Variants in ITGB6 observed in about 807,000 individuals in gnomAD.
ITGB6 encodes integrin subunit beta 6.
In ITGB6, 80 loss-of-function variants were observed where a neutral mutation model predicts 84.5. The observed-to-expected ratio is 0.95, with a 90% CI of 0.79 to 1.14. The LOEUF is 1.14. Among genes scored for constraint, ITGB6 ranks in the 50% most tolerant of loss-of-function variants. The pLI, the probability that ITGB6 is intolerant of heterozygous loss-of-function variation, is 0.00. For synonymous variants in ITGB6, 383 were observed against 354.9 expected, an observed-to-expected ratio of 1.08 and a Z score of -0.89; for missense variants, 1,006 against 968.0, an observed-to-expected ratio of 1.04 and a Z score of -0.52.
chr2:160,192,397 C>T (rs1048759092), intron 4 of ITGB6, among the ~76,000 whole-genome samples: 1 of 152,050 alleles, frequency 6.6e-6, no homozygotes, highest in East Asian at 1.9e-4. Context: ...ACAAATAGTG[C>T]TTGAACAACT....
chr2:160,112,487 C>T (rs1328023510), intron 12 of ITGB6, among the ~76,000 whole-genome samples: 1 of 152,024 alleles, frequency 6.6e-6, no homozygotes, highest in Admixed American at 6.6e-5. Flanking sequence ...AGGCAGGTAC[C>T]CACAGCTGCC....
chr2:160,139,600 G>C (rs1559141184), intron 8 of ITGB6, among the ~76,000 whole-genome samples: 1 of 152,168 alleles, frequency 6.6e-6, no homozygotes. Context: ...TGGATGACAT[G>C]ATCTGACCTA....
At chr2:160,188,381 G>A (rs1250045538) in intron 4 of ITGB6, among the ~76,000 whole-genome samples, 2 of 152,058 alleles carry the variant, frequency 1.3e-5, no homozygotes, top group Non-Finnish European at 2.9e-5. Flanking sequence ...CACCTTAATG[G>A]TAAATTTTGC....
At chr2:160,169,856 G>T (rs1685138966) in intron 6 of ITGB6, among the ~76,000 whole-genome samples, 1 of 152,144 alleles carries the variant, frequency 6.6e-6, no homozygotes. Flanking sequence ...TCACAAGTTG[G>T]TTGCATGGAA....
At chr2:160,164,852 T>C (rs1386790904) in intron 7 of ITGB6, among the ~76,000 whole-genome samples, 3 of 152,308 alleles carry the variant, frequency 2.0e-5, no homozygotes, top group South Asian at 4.1e-4. Flanking sequence ...CTATGTGTGA[T>C]CTAAGGGGTA....
At chr2:160,155,773 A>G (rs1025152026) in intron 7 of ITGB6, among the ~76,000 whole-genome samples, 4 of 152,220 alleles carry the variant, frequency 2.6e-5, no homozygotes, top group Non-Finnish European at 4.4e-5. Flanking sequence ...ACATATCAAC[A>G]AGAAGAAGAC....
intron 7 of ITGB6, among the ~76,000 whole-genome samples, chr2:160,143,595 T>A (rs1307229075): frequency 6.6e-6 from 1 of 152,204 alleles, no homozygotes; most frequent in East Asian, 1.9e-4. Flanking sequence ...GCTACGAAAT[T>A]AGATGGCTGA....
chr2:160,130,604 C>T (rs749995589), intron 10 of ITGB6, among the ~76,000 whole-genome samples: 1 of 152,098 alleles, frequency 6.6e-6, no homozygotes, highest in African/African-American at 2.4e-5. Context: ...AACTGTGTTT[C>T]ATAACCTATA....
intron 4 of ITGB6, among the ~76,000 whole-genome samples, chr2:160,182,868 C>G (rs773910489): frequency 1.6e-4 from 25 of 152,134 alleles, no homozygotes; most frequent in Non-Finnish European, 3.1e-4. Flanking sequence ...ATTTTCAACC[C>G]AGAATTTCAT....
At chr2:160,177,646 G>A (rs1468010929) in intron 4 of ITGB6, among the ~76,000 whole-genome samples, 2 of 151,538 alleles carry the variant, frequency 1.3e-5, no homozygotes, top group Non-Finnish European at 2.9e-5. Context: ...TGTTCATGGT[G>A]TTTTTGGATA....
chr2:160,200,243 G>A lies in ITGB6; in HGVS notation c.-180C>T. On this transcript the variant is annotated 5_prime_UTR_variant, in exon 1 of 15. Coordinates refer to ENST00000283249, the MANE Select transcript of ITGB6 (RefSeq NM_000888.5). ...AGAAAGTTTTCATTAAGACTGAAAT[G>A]AAAACAGAGGCTACCTGGACAGGTA... 2 of 549,500 alleles carry A rather than the reference G, an allele frequency of 3.6e-6. No homozygotes were observed. The highest frequency in any genetic ancestry group is 3.2e-6 in the Non-Finnish European group (1 of 315,022). 34.0% of individuals were successfully genotyped at this position (549,500 alleles called of 1,614,324 possible).
chr2:160,183,756 C>T (rs1685779288), intron 4 of ITGB6, among the ~76,000 whole-genome samples: 1 of 152,204 alleles, frequency 6.6e-6, no homozygotes, highest in Admixed American at 6.5e-5. Flanking sequence ...CACTCCTCAG[C>T]AAACGCAAAA....
rs201712748 is a variant in ITGB6, at chr2:160,138,140, T to C, written c.1167A>G (p.Ser389=). 4.2e-5 allele frequency: 68 copies of C among 1,613,932 alleles called. No individual in the cohort carries two copies. Among genetic ancestry groups the C allele is most frequent in the Non-Finnish European group, 5.5e-5 (65 of 1,179,886 alleles). The change falls in exon 9 of 15, where the codon TCA becomes TCG. Residue 389 remains serine, a synonymous_variant. Coordinates refer to ENST00000283249, the MANE Select transcript of ITGB6 (RefSeq NM_000888.5). ...TACCGTTGTTACAGATGGCTGTAAA[T>C]GACAAGTTGAGTCCTTCAGTGTCTC... The part of the protein sequence containing the change: ...VLGDTEGLNL[S]FTAICNNGTL...
intron 10 of ITGB6, among the ~76,000 whole-genome samples, chr2:160,135,997 A>G (rs1193619729): frequency 2.6e-5 from 4 of 152,250 alleles, no homozygotes; most frequent in Non-Finnish European, 5.9e-5. Flanking sequence ...GGCATGAGCA[A>G]GGACTTCATG....
chr2:160,170,308 G>A (rs1685153865), intron 6 of ITGB6, among the ~76,000 whole-genome samples: 1 of 152,300 alleles, frequency 6.6e-6, no homozygotes, highest in Admixed American at 6.5e-5. Flanking sequence ...TGAGAGAAAA[G>A]TGTAGTTTTG....
At chr2:160,124,243 A>G (rs1229038054) in intron 11 of ITGB6, among the ~76,000 whole-genome samples, 1 of 152,232 alleles carries the variant, frequency 6.6e-6, no homozygotes, top group Non-Finnish European at 1.5e-5. Flanking sequence ...TGTTCCTAAA[A>G]TATGATTAGA....
At chr2:160,135,580 G>A (rs1476213412) in intron 10 of ITGB6, among the ~76,000 whole-genome samples, 1 of 151,808 alleles carries the variant, frequency 6.6e-6, no homozygotes, top group Admixed American at 6.6e-5. Context: ...AACCAAAAAA[G>A]AGCCCACATT....
chr2:160,132,891 C>G lies in ITGB6; in HGVS notation c.1660+4543G>C, dbSNP rs1295848261. ...GAGTAATTTTCCATCTTTGTCTTTC[C>G]TGTAGGCTTTTTCACACATGCAGTT... is the stretch of plus-strand genomic sequence containing the variant. On this transcript the variant is annotated intron_variant, in intron 10 of 14. Coordinates refer to ENST00000283249, the MANE Select transcript of ITGB6 (RefSeq NM_000888.5). Among the ~76,000 whole-genome samples the G allele has an allele frequency of 2.6e-5, 4 of 151,962 alleles. No homozygotes were observed. The East Asian group carries it at 7.7e-4, about 29-fold the overall frequency.
rs1686504263 is a variant in ITGB6, at chr2:160,200,198, A to G, written c.-135T>C. 9.3e-6 allele frequency: 6 copies of G among 646,676 alleles called. No homozygotes were observed. The highest frequency in any genetic ancestry group is 1.6e-5 in the Non-Finnish European group (6 of 380,922). The allele number at this position is 646,676 out of a possible 1,614,324, so 40.1% of individuals were successfully genotyped here. ...AAATACTACTTACACTGCTTTGAAA[A>G]GAAACTTGAGATATAAGTTAGAAAG... On this transcript the variant is annotated 5_prime_UTR_variant, in exon 1 of 15. Transcript: ENST00000283249.
Sources: gnomAD v4.1 joint callset for allele counts (sites outside exome capture counted in the v4.1 genomes callset) on GRCh38, gnomAD v4.1.1 for gene constraint, MANE v1.5 for transcripts, NCBI Gene and HGNC (gene_info 2026-07-23, HGNC 2026-07-21) for gene names.